Variants in LGSN observed in about 807,000 individuals in gnomAD.
The protein encoded by LGSN is lengsin, lens protein with glutamine synthetase domain, also known as lengsin.
Under a neutral mutation model 19.5 loss-of-function variants are expected in LGSN, and 21 were observed. The ratio of observed to expected loss-of-function variants is 1.07; its 90% CI spans 0.76 to 1.55. The LOEUF (loss-of-function observed/expected upper bound fraction) is 1.55, where lower values mean the gene tolerates loss of function less well. LGSN is among the 40% of genes most tolerant of loss of function. The pLI is 0.00. For missense variants in LGSN, 673 were observed against 608.5 expected (o/e 1.11, Z -1.12); for synonymous variants, 257 against 215.6 (o/e 1.19, Z -1.68).
At chr6:63,561,889 G>A in the LGSN span, among the ~76,000 whole-genome samples, 1 of 152,158 alleles carries the variant, frequency 6.6e-6, no homozygotes, top group Non-Finnish European at 1.5e-5. Context: ...GGATAACCTG[G>A]TGCTTCTATC....
chr6:63,330,957 G>A, the LGSN span, among the ~76,000 whole-genome samples: 3 of 152,236 alleles, frequency 2.0e-5, no homozygotes, highest in Non-Finnish European at 4.4e-5. Context: ...AGGATCATCT[G>A]AAAACTTCCC....
chr6:63,506,225 GTTC>G, the LGSN span, among the ~76,000 whole-genome samples: 107 of 121,912 alleles, frequency 8.8e-4, no homozygotes, highest in African/African-American at 2.8e-3. Flanking sequence ...AAGGAGATAA[GTTC>G]TTCTTGTTGT....
At chr6:63,345,458 T>A in the LGSN span, among the ~76,000 whole-genome samples, 1 of 152,208 alleles carries the variant, frequency 6.6e-6, no homozygotes, top group Non-Finnish European at 1.5e-5. Context: ...AATTCAAGAT[T>A]TGTAGTGTAT....
chr6:63,451,863 T>C, the LGSN span, among the ~76,000 whole-genome samples: 2 of 152,220 alleles, frequency 1.3e-5, no homozygotes, highest in African/African-American at 4.8e-5. Flanking sequence ...ATTATTTTGA[T>C]GGATTTAAAA....
chr6:63,439,870 G>T, the LGSN span, among the ~76,000 whole-genome samples: 1 of 152,164 alleles, frequency 6.6e-6, no homozygotes, highest in African/African-American at 2.4e-5. Flanking sequence ...AATGTGGTCA[G>T]AATTTATTAT....
At chr6:63,474,252 T>C in the LGSN span, among the ~76,000 whole-genome samples, 1 of 152,208 alleles carries the variant, frequency 6.6e-6, no homozygotes, top group African/African-American at 2.4e-5. Flanking sequence ...TTTATCACTA[T>C]ATGTGGACAG....
chr6:63,441,122 T>C, the LGSN span: 1 of 179,172 alleles, frequency 5.6e-6, no homozygotes, highest in South Asian at 1.2e-4. Context: ...GGCAGGAGAA[T>C]CGCTCTAACC....
the LGSN span, among the ~76,000 whole-genome samples, chr6:63,387,016 G>T: frequency 1.3e-5 from 2 of 152,118 alleles, no homozygotes; most frequent in African/African-American, 4.8e-5. Flanking sequence ...CAGGAGAATT[G>T]CTTGAGCCCA....
chr6:63,403,629 T>C, the LGSN span, among the ~76,000 whole-genome samples: 1 of 151,838 alleles, frequency 6.6e-6, no homozygotes, highest in Non-Finnish European at 1.5e-5. Flanking sequence ...GATAAAACTC[T>C]AGCCAGAAAA....
At chr6:63,367,996 C>T in the LGSN span, among the ~76,000 whole-genome samples, 2 of 151,034 alleles carry the variant, frequency 1.3e-5, no homozygotes, top group Non-Finnish European at 2.9e-5. Context: ...ATGTAAATGA[C>T]GAGTTAAGGG....
At chr6:63,532,571 A>C in the LGSN span, among the ~76,000 whole-genome samples, 3 of 151,462 alleles carry the variant, frequency 2.0e-5, no homozygotes, top group Non-Finnish European at 2.9e-5. Context: ...TAAATCCACA[A>C]AAAAAAAATC....
At chr6:63,349,934 C>T in the LGSN span, among the ~76,000 whole-genome samples, 5 of 152,140 alleles carry the variant, frequency 3.3e-5, no homozygotes, top group African/African-American at 1.2e-4. Flanking sequence ...GCTGGTTTAT[C>T]CAGGCCAGCT....
chr6:63,280,777 G>A lies in LGSN; in HGVS notation c.774C>T (p.Ser258=), dbSNP rs770767046. ...CCATCTGACCAGGCCTGGTAGAGGA[G>A]GAAAAACTCTCGACATTGGCTCCAG... ...YHTGANVESF[S]SSTRPGQMEI... Residue 258 remains serine (S), a synonymous_variant, in exon 4 of 4, where the codon TCC becomes TCT. Coordinates refer to ENST00000370657, the MANE Select transcript of LGSN (RefSeq NM_016571.3). 8.1e-6 allele frequency: 13 copies of A among 1,613,990 alleles called. No individual in the cohort carries two copies. The South Asian group carries it at 1.2e-4, about 15-fold the overall frequency.
At chr6:63,476,044 T>C in the LGSN span, among the ~76,000 whole-genome samples, 1 of 151,066 alleles carries the variant, frequency 6.6e-6, no homozygotes, top group Non-Finnish European at 1.5e-5. Flanking sequence ...ATTATGTAGA[T>C]TTTTTGTTTT....
the LGSN span, among the ~76,000 whole-genome samples, chr6:63,383,792 C>A: frequency 2.6e-5 from 4 of 152,128 alleles, no homozygotes; most frequent in African/African-American, 9.7e-5. Context: ...TTGACTTTAT[C>A]ATTCCCATTT....
the LGSN span, among the ~76,000 whole-genome samples, chr6:63,413,286 A>G: frequency 6.6e-6 from 1 of 152,166 alleles, no homozygotes; most frequent in Non-Finnish European, 1.5e-5. Context: ...ATGCAATTTC[A>G]TTTCAACCAA....
chr6:63,371,495 A>T, the LGSN span, among the ~76,000 whole-genome samples: 1 of 152,228 alleles, frequency 6.6e-6, no homozygotes. Context: ...AAATAGATGG[A>T]ATATAAATAA....
the LGSN span, chr6:63,396,693 G>T: frequency 6.5e-6 from 1 of 153,452 alleles, no homozygotes; most frequent in South Asian, 1.9e-4. Context: ...GTTCTGCAAA[G>T]GGTGGGAAAG....
At chr6:63,369,607 A>C in the LGSN span, among the ~76,000 whole-genome samples, 1 of 152,210 alleles carries the variant, frequency 6.6e-6, no homozygotes, top group Non-Finnish European at 1.5e-5. Flanking sequence ...GAGTCAATGC[A>C]ATAAGAAAAT....
Sources: gnomAD v4.1 joint callset for allele counts (sites outside exome capture counted in the v4.1 genomes callset) on GRCh38, gnomAD v4.1.1 for gene constraint, MANE v1.5 for transcripts, NCBI Gene and HGNC (gene_info 2026-07-23, HGNC 2026-07-21) for gene names.